RFX3: variants seen among roughly 807,000 people sequenced by gnomAD.
RFX3 encodes regulatory factor X3, also known as transcription factor RFX3.
Under a neutral mutation model 98.6 loss-of-function variants are expected in RFX3, and 14 were observed. The ratio of observed to expected loss-of-function variants is 0.14; its 90% confidence interval spans 0.09 to 0.22. The LOEUF is 0.22. Among genes scored for constraint, RFX3 ranks in the 10% least tolerant of loss-of-function variants. The probability of loss-of-function intolerance (pLI) is 1.00; values close to 1 mark genes in which losing one functional copy is unlikely to be tolerated. For missense variants in RFX3, 639 were observed against 926.9 expected, an observed-to-expected ratio of 0.69 and a Z score of 4.03; for synonymous variants, 383 against 328.4, an observed-to-expected ratio of 1.17 and a Z score of -1.80.
At chr9:3,477,811 A>G (rs916555986) in intron 1 of RFX3, among the ~76,000 whole-genome samples, 1 of 152,196 alleles carries the variant, frequency 6.6e-6, no homozygotes, top group Non-Finnish European at 1.5e-5. Context: ...ATGGAGTCAC[A>G]TAAGTCTTTT....
intron 2 of RFX3, among the ~76,000 whole-genome samples, chr9:3,381,150 A>T (rs1440373941): frequency 6.6e-6 from 1 of 152,086 alleles, no homozygotes; most frequent in Non-Finnish European, 1.5e-5. Context: ...ATGAACCCAT[A>T]GGCAACAAAC....
At chr9:3,454,001 A>G (rs1282234961) in intron 1 of RFX3, among the ~76,000 whole-genome samples, 2 of 152,222 alleles carry the variant, frequency 1.3e-5, no homozygotes, top group African/African-American at 4.8e-5. Flanking sequence ...TAGTAAAAAT[A>G]CAAGTTAGAG....
chr9:3,326,938 A>T (rs1831988861), intron 4 of RFX3, among the ~76,000 whole-genome samples: 1 of 152,174 alleles, frequency 6.6e-6, no homozygotes, highest in African/African-American at 2.4e-5. Flanking sequence ...TCAGTCAAGA[A>T]TTTCGGCCAC....
At chr9:3,324,815 T>G (rs1209485005) in intron 4 of RFX3, among the ~76,000 whole-genome samples, 1 of 151,654 alleles carries the variant, frequency 6.6e-6, no homozygotes, top group Non-Finnish European at 1.5e-5. Context: ...ATACAAAAAA[T>G]TAGCCAAGCA....
intron 1 of RFX3, among the ~76,000 whole-genome samples, chr9:3,426,891 G>C (rs1165758764): frequency 1.3e-5 from 2 of 152,008 alleles, no homozygotes; most frequent in Non-Finnish European, 2.9e-5. Flanking sequence ...TAATGTATTT[G>C]AATCATTCCT....
intron 2 of RFX3, among the ~76,000 whole-genome samples, chr9:3,358,168 TATCAAAAGGGTTACTGTGAGG>T (rs1487992139): frequency 6.6e-6 from 1 of 152,142 alleles, no homozygotes; most frequent in Non-Finnish European, 1.5e-5. Flanking sequence ...ATATCTAATC[TATCAAAAGGGTTACTGTGAGG>T]ATCCAAAGCA....
intron 2 of RFX3, among the ~76,000 whole-genome samples, chr9:3,372,658 C>T (rs529147516): frequency 1.3e-5 from 2 of 151,626 alleles, no homozygotes; most frequent in East Asian, 1.9e-4. Flanking sequence ...AGAGATTCTC[C>T]TGCCTCAACC....
chr9:3,429,039 T>C (rs1475790273), intron 1 of RFX3, among the ~76,000 whole-genome samples: 1 of 151,128 alleles, frequency 6.6e-6, no homozygotes, highest in African/African-American at 2.4e-5. Flanking sequence ...TTTTTTTTTT[T>C]TGAGACGGAG....
chr9:3,371,928 G>A (rs907829522), intron 2 of RFX3, among the ~76,000 whole-genome samples: 1 of 152,136 alleles, frequency 6.6e-6, no homozygotes, highest in African/African-American at 2.4e-5. Flanking sequence ...ACACTTTACA[G>A]CCTAATAACA....
At chr9:3,236,502 C>T (rs1268890658) in intron 15 of RFX3, among the ~76,000 whole-genome samples, 1 of 152,204 alleles carries the variant, frequency 6.6e-6, no homozygotes, top group Admixed American at 6.5e-5. Context: ...TGAGCACCAA[C>T]CCATGCTACC....
intron 1 of RFX3, among the ~76,000 whole-genome samples, chr9:3,438,630 T>G (rs1199232934): frequency 6.6e-6 from 1 of 152,036 alleles, no homozygotes; most frequent in Non-Finnish European, 1.5e-5. Context: ...AACAACATGC[T>G]GCCTGTGAGA....
chr9:3,395,725 AC>A, intron 1 of RFX3, 129 bp from the exon 2 acceptor site: 2 of 869,496 alleles, frequency 2.3e-6, no homozygotes, highest in South Asian at 1.7e-5. Flanking sequence ...CCAACATACT[AC>A]CATGACAGTC....
intron 1 of RFX3, among the ~76,000 whole-genome samples, chr9:3,425,215 G>A (rs1260746631): frequency 1.3e-5 from 2 of 152,210 alleles, no homozygotes; most frequent in African/African-American, 4.8e-5. Flanking sequence ...CGCCAGCCTG[G>A]CAACACAATG....
chr9:3,374,027 G>A (rs767222769), intron 2 of RFX3, among the ~76,000 whole-genome samples: 2 of 151,940 alleles, frequency 1.3e-5, no homozygotes, highest in African/African-American at 2.4e-5. Context: ...GCAGTGAGTC[G>A]AGATGGCACC....
chr9:3,320,423 G>A (rs963918423), intron 4 of RFX3, among the ~76,000 whole-genome samples: 1 of 151,786 alleles, frequency 6.6e-6, no homozygotes, highest in East Asian at 1.9e-4. Flanking sequence ...GTGTGGTGGC[G>A]CATGCCTGTA....
At chr9:3,505,024 TTAAA>T (rs1165800811) in intron 1 of RFX3, among the ~76,000 whole-genome samples, 1 of 81,376 alleles carries the variant, frequency 1.2e-5, no homozygotes, top group Non-Finnish European at 2.1e-5. Context: ...ATAAAATATT[TTAAA>T]TAATATAATA....
At chr9:3,436,385 G>A (rs1180621478) in intron 1 of RFX3, among the ~76,000 whole-genome samples, 3 of 151,992 alleles carry the variant, frequency 2.0e-5, no homozygotes, top group Non-Finnish European at 4.4e-5. Context: ...AATTGCAGGA[G>A]GGAAAAATTT....
chr9:3,247,984 C>A, intron 15 of RFX3, 48 bp downstream of exon 15: 1 of 1,614,012 alleles, frequency 6.2e-7, no homozygotes. Flanking sequence ...GTAATTCTGG[C>A]TTATTTTTAA....
intron 1 of RFX3, among the ~76,000 whole-genome samples, chr9:3,504,906 A>ATAATATATAT (rs1554728009): frequency 2.0e-3 from 50 of 24,446 alleles, no homozygotes; most frequent in Non-Finnish European, 2.0e-3. Context: ...TATATTATAT[A>ATAATATATAT]TATATATAAT....
Sources: gnomAD v4.1 joint callset for allele counts (sites outside exome capture counted in the v4.1 genomes callset) on GRCh38, gnomAD v4.1.1 for gene constraint, MANE v1.5 for transcripts, NCBI Gene and HGNC (gene_info 2026-07-23, HGNC 2026-07-21) for gene names.